The following RELN variants were observed in gnomAD, a reference collection of about 807,000 sequenced individuals.
RELN encodes the protein reelin.
A neutral mutation model predicts 427.6 loss-of-function variants in RELN; 108 were observed. That is an observed-to-expected ratio of 0.25 (90% CI 0.22 to 0.30). RELN has a LOEUF of 0.30. Among genes scored for constraint, RELN ranks in the 10% least tolerant of loss-of-function variants. The pLI is 1.00. For missense variants in RELN, 3,715 were observed against 4,302.8 expected (o/e 0.86, Z 3.82); for synonymous variants, 1,524 against 1,513.4 (o/e 1.01, Z -0.16).
intron 6 of RELN, among the ~76,000 whole-genome samples, chr7:103,731,210 C>T (rs1018702549): frequency 6.6e-6 from 1 of 152,066 alleles, no homozygotes; most frequent in African/African-American, 2.4e-5. Context: ...GGTCCCGGAA[C>T]TGGTCCTGAA....
intron 43 of RELN, 36 bp from the exon 44 acceptor site, chr7:103,540,491 C>A (rs1830154473): frequency 6.2e-7 from 1 of 1,608,360 alleles, no homozygotes; most frequent in Non-Finnish European, 8.5e-7. Context: ...ACTTTCACTT[C>A]CAAAAGAAAT....
rs772905994 is a variant in RELN, at chr7:103,962,959, G to A, written c.226+26172C>T. Reference sequence around the variant, plus strand: ...CTAAGGACATGGTACCCTAAGCCAGGGAAGACACTGGGGAAAGGTTGAGAA... The same window carrying A: ...CTAAGGACATGGTACCCTAAGCCAGAGAAGACACTGGGGAAAGGTTGAGAA... On this transcript the variant is annotated intron_variant, in intron 1 of 64. Coordinates refer to ENST00000428762, the MANE Select transcript of RELN (RefSeq NM_005045.4). Among the ~76,000 whole-genome samples, 119 of 152,084 alleles carry A rather than the reference G, an allele frequency of 7.8e-4. 1 individual carries two copies. Among genetic ancestry groups the A allele is most frequent in the Non-Finnish European group, 4.4e-4 (30 of 67,982 alleles).
chr7:103,504,065 A>T (rs1037793239), intron 51 of RELN, among the ~76,000 whole-genome samples: 1 of 152,102 alleles, frequency 6.6e-6, no homozygotes, highest in Non-Finnish European at 1.5e-5. Flanking sequence ...TTAGCTGGGC[A>T]TGGTGGCGTG....
chr7:103,896,143 T>C (rs538329720), intron 2 of RELN, among the ~76,000 whole-genome samples: 103 of 152,106 alleles, frequency 6.8e-4, no homozygotes, highest in African/African-American at 2.5e-3. Flanking sequence ...ACCACACACC[T>C]ACCAACATGG....
At chr7:103,777,549 C>T (rs1352603519) in intron 3 of RELN, among the ~76,000 whole-genome samples, 1 of 152,120 alleles carries the variant, frequency 6.6e-6, no homozygotes, top group Non-Finnish European at 1.5e-5. Context: ...ATGTACAAGG[C>T]ACTGTACTAG....
intron 1 of RELN, among the ~76,000 whole-genome samples, chr7:103,984,744 C>G (rs1797061749): frequency 6.6e-6 from 1 of 152,076 alleles, no homozygotes; most frequent in South Asian, 2.1e-4. Context: ...TTGCATTTGA[C>G]AAATGATTTT....
intron 8 of RELN, among the ~76,000 whole-genome samples, chr7:103,718,571 T>C (rs957074359): frequency 6.6e-6 from 1 of 152,144 alleles, no homozygotes; most frequent in Non-Finnish European, 1.5e-5. Context: ...TCATTTCCAT[T>C]GACTGTGGTC....
chr7:103,546,401 G>A (rs950915179), intron 41 of RELN, among the ~76,000 whole-genome samples: 1 of 152,144 alleles, frequency 6.6e-6, no homozygotes, highest in African/African-American at 2.4e-5. Context: ...CCATTCATTA[G>A]TTGATGGACA....
At chr7:103,554,734 C>A (rs985116518) in intron 38 of RELN, among the ~76,000 whole-genome samples, 1 of 152,174 alleles carries the variant, frequency 6.6e-6, no homozygotes, top group Non-Finnish European at 1.5e-5. Context: ...GAACCCTCCC[C>A]TGGCAAGAGT....
At chr7:103,894,128 A>G (rs1221825291) in intron 2 of RELN, among the ~76,000 whole-genome samples, 1 of 152,282 alleles carries the variant, frequency 6.6e-6, no homozygotes, top group Admixed American at 6.5e-5. Flanking sequence ...CTTTTATTTC[A>G]AGAGAAACTA....
intron 2 of RELN, among the ~76,000 whole-genome samples, chr7:103,909,686 T>C (rs1795300030): frequency 1.4e-5 from 1 of 69,216 alleles, no homozygotes; most frequent in Non-Finnish European, 2.4e-5. Flanking sequence ...ATATATTTAA[T>C]AAATATATAT....
At chr7:103,855,302 T>G (rs1361492306) in intron 2 of RELN, among the ~76,000 whole-genome samples, 1 of 152,126 alleles carries the variant, frequency 6.6e-6, no homozygotes, top group African/African-American at 2.4e-5. Context: ...TGGAAAACAC[T>G]GGAAAGGCAA....
At chr7:103,728,543 G>C (rs1281981335) in intron 6 of RELN, among the ~76,000 whole-genome samples, 1 of 151,970 alleles carries the variant, frequency 6.6e-6, no homozygotes, top group Non-Finnish European at 1.5e-5. Context: ...ACAAAACACA[G>C]AATACAGAAC....
At chr7:103,913,105 G>C (rs901055924) in intron 2 of RELN, among the ~76,000 whole-genome samples, 1 of 152,050 alleles carries the variant, frequency 6.6e-6, no homozygotes, top group Non-Finnish European at 1.5e-5. Flanking sequence ...TCTATTTTTG[G>C]TCAGTGAGGC....
At chr7:103,703,685 T>G (rs1834140133) in intron 8 of RELN, among the ~76,000 whole-genome samples, 1 of 152,206 alleles carries the variant, frequency 6.6e-6, no homozygotes, top group East Asian at 1.9e-4. Flanking sequence ...CAAAATATCA[T>G]CTTACTTGCC....
intron 24 of RELN, among the ~76,000 whole-genome samples, chr7:103,597,378 G>A (rs183284292): frequency 3.3e-5 from 5 of 152,230 alleles, no homozygotes; most frequent in African/African-American, 1.2e-4. Context: ...CGAAGTGGGT[G>A]GATCACCTGA....
At chr7:103,654,288 A>C (rs1832981979) in intron 12 of RELN, 83 bp from the exon 13 acceptor site, 3 of 783,260 alleles carry the variant, frequency 3.8e-6, no homozygotes, top group Non-Finnish European at 6.9e-6. Flanking sequence ...TTCAGAATGA[A>C]AAATCATTAT....
intron 6 of RELN, among the ~76,000 whole-genome samples, chr7:103,728,588 T>C (rs1347799527): frequency 2.0e-5 from 3 of 152,130 alleles, no homozygotes; most frequent in African/African-American, 7.2e-5. Context: ...AAAGATGATA[T>C]TATAGTCAAT....
intron 1 of RELN, among the ~76,000 whole-genome samples, chr7:103,929,405 A>G (rs1795813147): frequency 6.6e-6 from 1 of 152,148 alleles, no homozygotes; most frequent in Non-Finnish European, 1.5e-5. Context: ...TCGAATAGCT[A>G]GACTTTCCCA....
Sources: allele counts gnomAD v4.1 joint callset (sites outside exome capture counted in the v4.1 genomes callset), GRCh38; gene constraint gnomAD v4.1.1; transcripts MANE v1.5; gene names NCBI Gene and HGNC (gene_info 2026-07-23, HGNC 2026-07-21).